PCDHGA3: variants seen among roughly 807,000 people sequenced by gnomAD.
PCDHGA3 encodes protocadherin gamma-A3.
A neutral mutation model predicts 58.5 loss-of-function variants in PCDHGA3; 40 were observed. The ratio of observed to expected loss-of-function variants is 0.68; its 90% CI spans 0.53 to 0.89. The LOEUF (loss-of-function observed/expected upper bound fraction) is 0.89. Among genes scored for constraint, PCDHGA3 ranks in the 40% least tolerant of loss-of-function variants. The probability of loss-of-function intolerance (pLI) is 0.00; values close to 1 mark genes in which losing one functional copy is unlikely to be tolerated. For synonymous variants in PCDHGA3, 530 were observed against 525.7 expected, an observed-to-expected ratio of 1.01 and a Z score of -0.11; for missense variants, 1,223 against 1,195.9, an observed-to-expected ratio of 1.02 and a Z score of -0.33.
chr5:141,500,520 T>TA (rs2099801149), intron 2 of PCDHGA3, among the ~76,000 whole-genome samples: 2 of 152,312 alleles, frequency 1.3e-5, no homozygotes, highest in Admixed American at 1.3e-4. Flanking sequence ...AGCTTCATTT[T>TA]AAAAAAATCT....
At chr5:141,372,022 G>A in intron 1 of PCDHGA3, 1 of 1,613,416 alleles carries the variant, frequency 6.2e-7, no homozygotes, top group Non-Finnish European at 8.5e-7. Context: ...CCTACGCTCA[G>A]CGCCAACGTG....
rs1324598241 is a variant in PCDHGA3, at chr5:141,346,316, G to C, written c.2283G>C (p.Ala761=). ...ATTCCCACGAGGTCTCCCTCACTGC[G>C]GACTCGCGGAAGAGCCACCTGATTT... ...QTYSHEVSLT[A]DSRKSHLIFP... The change falls in exon 1 of 4, where the codon GCG becomes GCC. Residue 761 remains alanine, a synonymous_variant. Coordinates refer to ENST00000253812, the MANE Select transcript of PCDHGA3 (RefSeq NM_018916.4). 1 of 1,614,188 alleles carries C rather than the reference G, an allele frequency of 6.2e-7. No individual in the cohort carries two copies. The highest frequency in any genetic ancestry group is 8.5e-7 in the Non-Finnish European group (1 of 1,180,038).
chr5:141,462,512 A>C (rs1169461013), intron 1 of PCDHGA3, among the ~76,000 whole-genome samples: 1 of 152,106 alleles, frequency 6.6e-6, no homozygotes, highest in Non-Finnish European at 1.5e-5. Flanking sequence ...AACTAGATCA[A>C]GTTAGTAAGA....
At chr5:141,459,237 C>T (rs1004453705) in intron 1 of PCDHGA3, among the ~76,000 whole-genome samples, 1 of 152,214 alleles carries the variant, frequency 6.6e-6, no homozygotes, top group Admixed American at 6.5e-5. Flanking sequence ...AACTGGTCTG[C>T]TTCCTGTCAC....
chr5:141,361,192 T>A, intron 1 of PCDHGA3: 1 of 1,613,978 alleles, frequency 6.2e-7, no homozygotes, highest in Non-Finnish European at 8.5e-7. Flanking sequence ...GACTTCAGTA[T>A]CTACTCCCCT....
At chr5:141,458,694 C>G (rs905547768) in intron 1 of PCDHGA3, among the ~76,000 whole-genome samples, 1 of 152,136 alleles carries the variant, frequency 6.6e-6, no homozygotes, top group East Asian at 1.9e-4. Context: ...CTCAGCCTCC[C>G]GAGTAGCTGG....
intron 1 of PCDHGA3, chr5:141,370,507 C>G: frequency 1.2e-6 from 2 of 1,613,920 alleles, no homozygotes; most frequent in Non-Finnish European, 1.7e-6. Context: ...TACGCTATTC[C>G]CGAGGAGCTG....
intron 1 of PCDHGA3, chr5:141,410,724 C>G: frequency 7.2e-7 from 1 of 1,385,884 alleles, no homozygotes; most frequent in Non-Finnish European, 9.6e-7. Flanking sequence ...TGTTTAAAAT[C>G]CATAGCTTTT....
chr5:141,358,582 C>G (rs554768302), intron 1 of PCDHGA3, among the ~76,000 whole-genome samples: 44 of 152,264 alleles, frequency 2.9e-4, no homozygotes, highest in Non-Finnish European at 5.4e-4. Flanking sequence ...TGTGTGATTC[C>G]TCTGGTGCAC....
At chr5:141,366,054 T>C in intron 1 of PCDHGA3, 2 of 1,614,220 alleles carry the variant, frequency 1.2e-6, no homozygotes, top group Non-Finnish European at 1.7e-6. Flanking sequence ...TCCACGGGCG[T>C]GGAGCTGGCG....
chr5:141,361,965 G>C, intron 1 of PCDHGA3: 1 of 1,602,240 alleles, frequency 6.2e-7, no homozygotes, highest in Non-Finnish European at 8.5e-7. Context: ...ACGTGCTGCA[G>C]GCCAGCGAGC....
rs766335156 is a variant in PCDHGA3 at position 141,345,889 on chromosome 5, T to C, written c.1856T>C (p.Val619Ala). Residue 619 changes from valine (V) to alanine (A), a missense_variant, in exon 1 of 4, where the codon GTG (valine) becomes GCG (alanine). Around this residue, in one of 3 missense-constraint regions of PCDHGA3, gnomAD observed 107 missense variants for 159.8 expected, o/e 0.67. Transcript: ENST00000253812. ...LKASEPGLFS[V>A]GLHTGEVRTA... ...GCCAGCGAGCCGGGACTCTTCTCGGTGGGTCTGCACACGGGCGAGGTGCGC... is the reference window on the plus strand; with the variant it reads ...GCCAGCGAGCCGGGACTCTTCTCGGCGGGTCTGCACACGGGCGAGGTGCGC... The C allele has an allele frequency of 3.1e-6, 5 of 1,613,236 alleles. No individual in the cohort carries two copies. The Admixed American group carries it at 8.3e-5, about 27-fold the overall frequency.
intron 1 of PCDHGA3, chr5:141,370,885 T>C: frequency 9.9e-6 from 16 of 1,613,994 alleles, no homozygotes; most frequent in Non-Finnish European, 1.4e-5. Context: ...GATGTAGGTG[T>C]CAATTCGCTG....
intron 1 of PCDHGA3, chr5:141,357,660 A>G (rs1484445569): frequency 1.2e-6 from 2 of 1,605,080 alleles, no homozygotes; most frequent in South Asian, 2.2e-5. Flanking sequence ...ACACTGAAAT[A>G]TAGACAAAGA....
At chr5:141,484,501 A>G (rs1185523120) in intron 1 of PCDHGA3, among the ~76,000 whole-genome samples, 2 of 152,232 alleles carry the variant, frequency 1.3e-5, no homozygotes, top group African/African-American at 4.8e-5. Flanking sequence ...GTTTCTGAAT[A>G]TTCTGCAGAA....
rs200524415 is a variant in PCDHGA3, at chr5:141,487,436, G to C, written c.2425-7371G>C. 1 of 1,614,176 alleles carries C rather than the reference G, an allele frequency of 6.2e-7. No individual in the cohort carries two copies. Among genetic ancestry groups the C allele is most frequent in the East Asian group, 2.2e-5 (1 of 44,870 alleles). ...CAATGGGATCCTCCGAATCCAGCTAGGGTCAGATGACCCTATCAAGTTTGT... is the reference window on the plus strand; with the variant it reads ...CAATGGGATCCTCCGAATCCAGCTACGGTCAGATGACCCTATCAAGTTTGT... On this transcript the variant is annotated intron_variant, in intron 1 of 3. Coordinates refer to ENST00000253812, the MANE Select transcript of PCDHGA3 (RefSeq NM_018916.4). This position sits in a 1 kb window ranked among gnomAD's most constrained non-coding sequence, Gnocchi z 5.0.
intron 1 of PCDHGA3, chr5:141,399,064 A>G: frequency 1.2e-6 from 2 of 1,613,762 alleles, no homozygotes; most frequent in Non-Finnish European, 1.7e-6. Flanking sequence ...GGAATATTCA[A>G]TGGTTGTAGA....
intron 1 of PCDHGA3, chr5:141,365,132 G>T: frequency 1.9e-6 from 3 of 1,613,884 alleles, no homozygotes; most frequent in Admixed American, 1.7e-5. Flanking sequence ...AACCGCCACG[G>T]ATCCAGATGA....
chr5:141,360,997 G>T (rs766404886), intron 1 of PCDHGA3: 2 of 1,613,544 alleles, frequency 1.2e-6, no homozygotes, highest in Admixed American at 1.7e-5. Flanking sequence ...GGACGAACAA[G>T]TGAAACACTT....
Sources: allele counts gnomAD v4.1 joint callset (sites outside exome capture counted in the v4.1 genomes callset), GRCh38; gene constraint gnomAD v4.1.1; regional missense constraint gnomAD v4.1.1; non-coding constraint Gnocchi (gnomAD v3.1); transcripts MANE v1.5; gene names NCBI Gene and HGNC (gene_info 2026-07-23, HGNC 2026-07-21).